The following BBOF1 variants were observed in gnomAD, a reference collection of about 807,000 sequenced individuals.
The protein encoded by BBOF1 is basal body orientation factor 1.
BBOF1 carries 62 observed loss-of-function variants against 68.0 expected under a neutral mutation model. The ratio of observed to expected loss-of-function variants is 0.91; its 90% CI spans 0.74 to 1.13. BBOF1 has a LOEUF of 1.13. Among genes scored for constraint, BBOF1 ranks in the 50% most tolerant of loss-of-function variants. The pLI is 0.00. For synonymous variants in BBOF1, 208 were observed against 198.8 expected, an observed-to-expected ratio of 1.05 and a Z score of -0.39; for missense variants, 534 against 600.1, an observed-to-expected ratio of 0.89 and a Z score of 1.15.
intron 1 of BBOF1, among the ~76,000 whole-genome samples, chr14:74,020,671 T>G (rs2059262389): frequency 6.6e-6 from 1 of 152,128 alleles, no homozygotes; most frequent in African/African-American, 2.4e-5. Flanking sequence ...GCCCAGCTAA[T>G]TTTTTTATTT....
intron 5 of BBOF1, 67 bp from the exon 6 acceptor site, chr14:74,045,993 T>TA: frequency 7.2e-7 from 1 of 1,379,602 alleles, no homozygotes; most frequent in South Asian, 1.3e-5. Flanking sequence ...CTAAAATAAA[T>TA]ATCTTTTGAT....
downstream of BBOF1, among the ~76,000 whole-genome samples, chr14:74,067,997 T>TAAAAAA (rs35503985): frequency 7.5e-6 from 1 of 132,978 alleles, no homozygotes; most frequent in Non-Finnish European, 1.6e-5. Context: ...AGAGCAATGT[T>TAAAAAA]AAAAAAAAAA....
intron 2 of BBOF1, among the ~76,000 whole-genome samples, chr14:74,027,780 G>T (rs1209439575): frequency 6.6e-6 from 1 of 151,972 alleles, no homozygotes; most frequent in African/African-American, 2.4e-5. Flanking sequence ...AGAAGCATCA[G>T]CTAAGCCCAA....
At chr14:74,057,824 A>C (rs2060251911) in intron 11 of BBOF1, 1 of 1,034,550 alleles carries the variant, frequency 9.7e-7, no homozygotes, top group East Asian at 9.2e-5. Flanking sequence ...CATCTAAGAA[A>C]TAAGAAACTC....
chr14:74,061,355 G>A (rs2060337242), intron 11 of BBOF1, among the ~76,000 whole-genome samples: 1 of 151,954 alleles, frequency 6.6e-6, no homozygotes, highest in African/African-American at 2.4e-5. Context: ...AGGCTGGAGT[G>A]CAGTGGTGTG....
intron 9 of BBOF1, among the ~76,000 whole-genome samples, chr14:74,056,038 T>G (rs1485447829): frequency 6.6e-6 from 1 of 151,756 alleles, no homozygotes; most frequent in African/African-American, 2.4e-5. Context: ...ATAAGTATTT[T>G]TTTTTTTTTT....
intron 10 of BBOF1, among the ~76,000 whole-genome samples, chr14:74,079,685 G>A (rs1245297968): frequency 1.3e-5 from 2 of 152,048 alleles, no homozygotes; most frequent in African/African-American, 2.4e-5. Context: ...GCCCGCCTCA[G>A]CCTCCCAAAG....
At chr14:74,040,807 A>G (rs2059811498) in intron 5 of BBOF1, 162 bp downstream of exon 5, 1 of 552,590 alleles carries the variant, frequency 1.8e-6, no homozygotes, top group Non-Finnish European at 3.2e-6. Context: ...AAAACCTTCT[A>G]GAAATCTCAA....
chr14:74,064,817 G>A lies in BBOF1; in HGVS notation c.*118G>A, dbSNP rs1178713177. 1.4e-5 allele frequency: 22 copies of A among 1,613,838 alleles called. No homozygotes were observed. Among genetic ancestry groups the A allele is most frequent in the Non-Finnish European group, 1.8e-5 (21 of 1,179,808 alleles). ...AAAAGACAAAAAATTTAACTCAAAA[G>A]TTACCTGTTTGCCATAGAAATTGGT... On this transcript the variant is annotated 3_prime_UTR_variant, in exon 12 of 12. Coordinates refer to ENST00000394009, the MANE Select transcript of BBOF1 (RefSeq NM_025057.3).
chr14:74,070,834 A>G, downstream of BBOF1: 1 of 277,956 alleles, frequency 3.6e-6, no homozygotes, highest in South Asian at 4.3e-5. Flanking sequence ...AGTATTAGCT[A>G]TTATTACATG....
At chr14:74,040,724 C>A in intron 5 of BBOF1, 79 bp downstream of exon 5, 1 of 797,028 alleles carries the variant, frequency 1.3e-6, no homozygotes, top group South Asian at 1.9e-5. Context: ...GAAACATCAG[C>A]CTTCCATTTG....
At chr14:74,053,982 C>T (rs1423307267) in intron 8 of BBOF1, among the ~76,000 whole-genome samples, 1 of 152,054 alleles carries the variant, frequency 6.6e-6, no homozygotes, top group East Asian at 1.9e-4. Flanking sequence ...TCAAGCCATT[C>T]TCCTGCCTCA....
At chr14:74,067,848 C>T (rs1336951908), downstream of BBOF1, among the ~76,000 whole-genome samples, 3 of 152,002 alleles carry the variant, frequency 2.0e-5, no homozygotes, top group Admixed American at 6.6e-5. Context: ...CCACTTGATC[C>T]TGGGAGGCGG....
chr14:74,060,190 A>G (rs1274630789), intron 11 of BBOF1: 1 of 155,012 alleles, frequency 6.5e-6, no homozygotes, highest in African/African-American at 2.4e-5. Flanking sequence ...ATTTTTTTAA[A>G]TAATAGATAC....
chr14:74,054,802 C>A, intron 8 of BBOF1: 1 of 171,454 alleles, frequency 5.8e-6, no homozygotes, highest in South Asian at 1.1e-4. Context: ...CCTCGGCCTC[C>A]TGAGTAGCTG....
intron 3 of BBOF1, chr14:74,031,703 A>G (rs899039006): frequency 2.0e-5 from 3 of 151,992 alleles, no homozygotes; most frequent in African/African-American, 7.2e-5. Flanking sequence ...CACCAATCCC[A>G]TCATGGAGGC....
intron 11 of BBOF1, chr14:74,059,056 C>T (rs2139711313): frequency 5.7e-6 from 1 of 176,350 alleles, no homozygotes; most frequent in South Asian, 1.0e-4. Flanking sequence ...TGCACTCTAG[C>T]CTGGGCAACA....
In BBOF1 at chr14:74,049,933, A is replaced by G. The variant is rs772483840; in HGVS notation, c.1024A>G (p.Met342Val). The part of the protein sequence containing the change: ...QHLLQMKDRE[M>V]NRVKKLAKNI... ...CCTTCTTCAGATGAAGGACAGGGAA[A>G]TGAATCGTGTGAAGAAGCTGGCCAA... The change falls in exon 8 of 12, where the codon ATG (methionine) becomes GTG (valine). Residue 342 changes from methionine (M) to valine (V), a missense_variant. Met to Val is a conservative substitution (Grantham distance 21). Coordinates refer to ENST00000394009, the MANE Select transcript of BBOF1 (RefSeq NM_025057.3). 7 of 1,614,074 alleles carry G rather than the reference A, an allele frequency of 4.3e-6. No homozygotes were observed. Among genetic ancestry groups the G allele is most frequent in the South Asian group, 1.1e-5 (1 of 91,092 alleles).
At chr14:74,044,699 G>C (rs868602637) in intron 5 of BBOF1, among the ~76,000 whole-genome samples, 49 of 152,216 alleles carry the variant, frequency 3.2e-4, no homozygotes, top group Admixed American at 1.5e-3. Flanking sequence ...GCTGAGGCGG[G>C]TGGATCACCT....
Sources: gnomAD v4.1 joint callset for allele counts (sites outside exome capture counted in the v4.1 genomes callset) on GRCh38, gnomAD v4.1.1 for gene constraint, MANE v1.5 for transcripts, NCBI Gene and HGNC (gene_info 2026-07-23, HGNC 2026-07-21) for gene names.